The following UGT1A8 variants were observed in gnomAD, a reference collection of about 807,000 sequenced individuals.
UGT1A8 encodes UDP glucuronosyltransferase family 1 member A8, also known as UDP-glucuronosyltransferase 1A8.
A neutral mutation model predicts 45.3 loss-of-function variants in UGT1A8; 39 were observed. The ratio of observed to expected loss-of-function variants is 0.86; its 90% CI spans 0.67 to 1.12. The LOEUF (loss-of-function observed/expected upper bound fraction) is 1.12. Ranked by LOEUF, UGT1A8 falls within the 50% of genes most tolerant of loss-of-function variation. The pLI is 0.00. For missense variants in UGT1A8, 719 were observed against 664.9 expected (o/e 1.08, Z -0.90); for synonymous variants, 275 against 249.2 (o/e 1.10, Z -0.97).
At chr2:233,698,156 C>T (rs1023372379) in intron 1 of UGT1A8, among the ~76,000 whole-genome samples, 1 of 152,042 alleles carries the variant, frequency 6.6e-6, no homozygotes, top group African/African-American at 2.4e-5. Context: ...CCCAGCATGT[C>T]GTCCTAGAGA....
intron 1 of UGT1A8, chr2:233,760,443 G>A (rs773136953): frequency 2.5e-6 from 4 of 1,614,132 alleles, no homozygotes; most frequent in Non-Finnish European, 1.7e-6. Context: ...AGCTGCAGCA[G>A]AGGGGACATG....
chr2:233,734,415 TTTC>T (rs2078522932), intron 1 of UGT1A8, among the ~76,000 whole-genome samples: 1 of 152,160 alleles, frequency 6.6e-6, no homozygotes, highest in African/African-American at 2.4e-5. Context: ...TCTTCTCTCT[TTTC>T]TTCTTTATTA....
At position 233,747,735 on chromosome 2, in the gene UGT1A8, A is replaced by G. The variant is rs890289369; in HGVS notation, c.856-19299A>G. 5 of 1,613,242 alleles carry G rather than the reference A, an allele frequency of 3.1e-6. No individual in the cohort carries two copies. The African/African-American group carries it at 4.0e-5, about 13-fold the overall frequency. On this transcript the variant is annotated intron_variant, in intron 1 of 4. Coordinates refer to ENST00000373450, the MANE Select transcript of UGT1A8 (RefSeq NM_019076.5). ...AATTCCTGCTGTGTTTTTTTTGAGGAACATTCCATGTGATTTAGACTTTAA... is the reference window on the plus strand; with the variant it reads ...AATTCCTGCTGTGTTTTTTTTGAGGGACATTCCATGTGATTTAGACTTTAA...
In UGT1A8 at chr2:233,772,876, C is replaced by T. The variant is rs906785821; in HGVS notation, c.*317C>T. The T allele has an allele frequency of 2.8e-5, 17 of 598,574 alleles. No homozygotes were observed. The highest frequency in any genetic ancestry group is 1.0e-4 in the East Asian group (2 of 19,556). 37.1% of individuals were successfully genotyped at this position (598,574 alleles called of 1,614,324 possible). ...CTGAAACATGGCCTGTTTGGGAGTG[C>T]GGGATTCAAAGGTGGTCCCACGGCT... On this transcript the variant is annotated 3_prime_UTR_variant, in exon 5 of 5. Coordinates refer to ENST00000373450, the MANE Select transcript of UGT1A8 (RefSeq NM_019076.5).
At chr2:233,728,351 G>A (rs1396406554) in intron 1 of UGT1A8, among the ~76,000 whole-genome samples, 1 of 152,180 alleles carries the variant, frequency 6.6e-6, no homozygotes, top group East Asian at 1.9e-4. Context: ...TGGTGAGCAG[G>A]AGCTCCCTGA....
chr2:233,772,368 G>C lies in UGT1A8; in HGVS notation c.1402G>C (p.Ala468Pro). Reference protein sequence around the residue: ...WVEFVMRHKGAPHLRPAAHDL... With the variant: ...WVEFVMRHKGPPHLRPAAHDL... Reference sequence around the variant, plus strand: ...GGAGTTTGTGATGAGGCACAAGGGCGCGCCACACCTGCGCCCCGCAGCCCA... The same window carrying C: ...GGAGTTTGTGATGAGGCACAAGGGCCCGCCACACCTGCGCCCCGCAGCCCA... Residue 468 changes from alanine (A) to proline (P), a missense_variant, in exon 5 of 5, where the codon GCG (alanine) becomes CCG (proline). Coordinates refer to ENST00000373450, the MANE Select transcript of UGT1A8 (RefSeq NM_019076.5). 6.2e-7 allele frequency: 1 copy of C among 1,614,220 alleles called. No homozygotes were observed. The highest frequency in any genetic ancestry group is 1.1e-5 in the South Asian group (1 of 91,078).
At chr2:233,743,140 A>C (rs1692212499) in intron 1 of UGT1A8, 1 of 356,854 alleles carries the variant, frequency 2.8e-6, no homozygotes, top group African/African-American at 2.2e-5. Flanking sequence ...ATCCTAAAAA[A>C]AGTCCGCTAT....
At chr2:233,676,410 C>G (rs1036977236) in intron 1 of UGT1A8, among the ~76,000 whole-genome samples, 2 of 152,186 alleles carry the variant, frequency 1.3e-5, no homozygotes, top group African/African-American at 4.8e-5. Context: ...TACCCTGTGT[C>G]CAGTTTCCAC....
At chr2:233,751,274 C>T (rs1450927418) in intron 1 of UGT1A8, among the ~76,000 whole-genome samples, 1 of 151,812 alleles carries the variant, frequency 6.6e-6, no homozygotes, top group African/African-American at 2.4e-5. Flanking sequence ...CTTTTTTTGG[C>T]CAGTTTCTCC....
At chr2:233,672,865 G>T in intron 1 of UGT1A8, 1 of 1,520,894 alleles carries the variant, frequency 6.6e-7, no homozygotes, top group Non-Finnish European at 8.8e-7. Context: ...ACTGAACTGT[G>T]ATTTGACATT....
At chr2:233,678,926 T>C (rs2074431957) in intron 1 of UGT1A8, among the ~76,000 whole-genome samples, 1 of 152,230 alleles carries the variant, frequency 6.6e-6, no homozygotes, top group Admixed American at 6.5e-5. Context: ...GTGCAACATC[T>C]GGTCACAGTT....
At chr2:233,767,659 C>G (rs975874168) in intron 2 of UGT1A8, among the ~76,000 whole-genome samples, 190 bp from the exon 3 acceptor site, 4 of 152,186 alleles carry the variant, frequency 2.6e-5, no homozygotes, top group African/African-American at 9.7e-5. Context: ...TGCATACACC[C>G]TTGTAACTAA....
intron 1 of UGT1A8, among the ~76,000 whole-genome samples, chr2:233,704,944 T>C (rs1231562726): frequency 6.6e-6 from 1 of 152,116 alleles, no homozygotes; most frequent in Non-Finnish European, 1.5e-5. Flanking sequence ...AAGACCAGCC[T>C]GGCCAACATG....
intron 1 of UGT1A8, among the ~76,000 whole-genome samples, chr2:233,721,122 T>G (rs2076922225): frequency 6.6e-6 from 1 of 152,196 alleles, no homozygotes; most frequent in Admixed American, 6.5e-5. Context: ...GTACTTCTTT[T>G]TATTAGTGTA....
intron 1 of UGT1A8, among the ~76,000 whole-genome samples, chr2:233,644,655 C>G (rs2073551884): frequency 6.6e-6 from 1 of 152,192 alleles, no homozygotes; most frequent in Non-Finnish European, 1.5e-5. Flanking sequence ...TCTGCTCTAA[C>G]AGAATAGCAC....
chr2:233,619,526 C>A (rs2072962092), intron 1 of UGT1A8, among the ~76,000 whole-genome samples: 1 of 152,114 alleles, frequency 6.6e-6, no homozygotes, highest in African/African-American at 2.4e-5. Context: ...GCTATTATAT[C>A]TTCCTGTTCA....
chr2:233,745,835 T>A (rs2125873644), intron 1 of UGT1A8, among the ~76,000 whole-genome samples: 1 of 151,430 alleles, frequency 6.6e-6, no homozygotes, highest in African/African-American at 2.4e-5. Context: ...GGACTCTGAA[T>A]TTTCTTCTGT....
chr2:233,767,876 C>A lies in UGT1A8; in HGVS notation c.1015C>A (p.Pro339Thr), dbSNP rs773195449. ...TVLWRYTGTR[P>T]SNLANNTILV... ...CCTGTGGCGGTACACTGGAACCCGA[C>A]CATCGAATCTTGCGAACAACACGAT... The change falls in exon 3 of 5, where the codon CCA becomes ACA. Residue 339 changes from proline (P) to threonine (T), a missense_variant. Physicochemically the swap from Pro to Thr is conservative, Grantham distance 38 (BLOSUM62 -1). Transcript: ENST00000373450. 23 of 1,614,060 alleles carry A rather than the reference C, an allele frequency of 1.4e-5. No individual in the cohort carries two copies. The highest frequency in any genetic ancestry group is 1.8e-5 in the Non-Finnish European group (21 of 1,180,054).
intron 1 of UGT1A8, among the ~76,000 whole-genome samples, chr2:233,630,241 C>A (rs2073163181): frequency 6.6e-6 from 1 of 152,002 alleles, no homozygotes; most frequent in Non-Finnish European, 1.5e-5. Context: ...CTGCAAGTGC[C>A]CCAGTCACCA....
Sources: gnomAD v4.1 joint callset for allele counts (sites outside exome capture counted in the v4.1 genomes callset) on GRCh38, gnomAD v4.1.1 for gene constraint, MANE v1.5 for transcripts, NCBI Gene and HGNC (gene_info 2026-07-23, HGNC 2026-07-21) for gene names.